Variants in ADK observed in about 807,000 individuals in gnomAD.
ADK encodes adenosine kinase.
Under a neutral mutation model 44.7 loss-of-function variants are expected in ADK, and 24 were observed. That is an observed-to-expected ratio of 0.54 (90% CI 0.39 to 0.76). The LOEUF (loss-of-function observed/expected upper bound fraction) is 0.76. ADK is among the 30% of genes least tolerant of loss of function. ADK has a pLI of 0.00. For synonymous variants in ADK, 128 were observed against 142.6 expected, an observed-to-expected ratio of 0.90 and a Z score of 0.73; for missense variants, 321 against 425.1, an observed-to-expected ratio of 0.76 and a Z score of 2.15.
At chr10:74,533,592 A>G (rs1849362763) in intron 7 of ADK, among the ~76,000 whole-genome samples, 1 of 152,230 alleles carries the variant, frequency 6.6e-6, no homozygotes, top group Admixed American at 6.5e-5. Flanking sequence ...CGCAAACTTC[A>G]ACCCACGTAA....
intron 3 of ADK, among the ~76,000 whole-genome samples, chr10:74,289,852 G>C (rs1046681640): frequency 3.4e-5 from 5 of 145,336 alleles, no homozygotes; most frequent in African/African-American, 1.3e-4. Flanking sequence ...AAAAAGGAAA[G>C]AAAATTCTCC....
intron 6 of ADK, among the ~76,000 whole-genome samples, chr10:74,488,618 G>A (rs1446942039): frequency 1.5e-5 from 2 of 137,256 alleles, no homozygotes; most frequent in Non-Finnish European, 3.2e-5. Flanking sequence ...TCATATTTAT[G>A]TAGATAGCAG....
chr10:74,353,373 CAG>C (rs1002694592), intron 4 of ADK, among the ~76,000 whole-genome samples: 1 of 152,116 alleles, frequency 6.6e-6, no homozygotes, highest in Middle Eastern at 3.4e-3. Context: ...CACATGGACA[CAG>C]GGAATGGAGC....
chr10:74,618,710 C>G (rs1280644330), intron 9 of ADK, among the ~76,000 whole-genome samples: 1 of 152,112 alleles, frequency 6.6e-6, no homozygotes, highest in East Asian at 1.9e-4. Context: ...CTTTTGGATT[C>G]TCTTATTTTT....
chr10:74,160,725 G>GTGTGTGTATGTA (rs753375980), intron 1 of ADK, among the ~76,000 whole-genome samples: 2 of 150,974 alleles, frequency 1.3e-5, no homozygotes, highest in African/African-American at 4.9e-5. Context: ...GTGTATGTGT[G>GTGTGTGTATGTA]TGTGTAGGTA....
At chr10:74,362,387 C>A (rs1322815580) in intron 4 of ADK, among the ~76,000 whole-genome samples, 2 of 149,342 alleles carry the variant, frequency 1.3e-5, no homozygotes, top group Non-Finnish European at 3.0e-5. Flanking sequence ...TTTTTAGTTG[C>A]AGGATTTCTG....
intron 9 of ADK, among the ~76,000 whole-genome samples, chr10:74,611,282 A>G (rs561477722): frequency 6.6e-6 from 1 of 151,974 alleles, no homozygotes. Context: ...CTGCCTTCCT[A>G]GGCCTCCCTC....
chr10:74,334,300 A>G (rs1395226044), intron 4 of ADK, among the ~76,000 whole-genome samples: 1 of 152,184 alleles, frequency 6.6e-6, no homozygotes, highest in Non-Finnish European at 1.5e-5. Context: ...TATGCAGCTG[A>G]TAAACTTGAG....
intron 1 of ADK, among the ~76,000 whole-genome samples, chr10:74,161,492 A>G (rs774645684): frequency 6.6e-6 from 1 of 152,054 alleles, no homozygotes; most frequent in Admixed American, 6.5e-5. Flanking sequence ...TACAGGCATG[A>G]GTCACCGCGC....
chr10:74,269,859 G>A (rs763808554), intron 3 of ADK, among the ~76,000 whole-genome samples: 3 of 152,094 alleles, frequency 2.0e-5, no homozygotes, highest in South Asian at 2.1e-4. Flanking sequence ...TTAGCTGGGC[G>A]TGGTGGCACG....
intron 3 of ADK, among the ~76,000 whole-genome samples, chr10:74,280,448 G>A (rs1464302987): frequency 1.5e-5 from 1 of 68,868 alleles, no homozygotes; most frequent in Non-Finnish European, 3.6e-5. Context: ...ACACACACAC[G>A]TTTTTTAGAG....
chr10:74,624,395 C>G (rs539489957), intron 9 of ADK, among the ~76,000 whole-genome samples: 6 of 151,904 alleles, frequency 3.9e-5, no homozygotes, highest in Non-Finnish European at 2.9e-5. Flanking sequence ...TTTTTAAAGC[C>G]TTTCTGGTTT....
In ADK at chr10:74,284,264, C is replaced by T. The variant is rs1284296390; in HGVS notation, c.195-30403C>T. On this transcript the variant is annotated intron_variant, in intron 3 of 10. Transcript: ENST00000539909. ...CATGAGCCACCACGCCTGGCAAATT[C>T]TATTTTTTTTTTTTTTTTTTGAGAC... Among the ~76,000 whole-genome samples the T allele has an allele frequency of 7.2e-5, 9 of 124,584 alleles. No homozygotes were observed. The South Asian group carries it at 2.2e-3, about 31-fold the overall frequency. The allele number at this position is 124,584 out of a possible 152,430, so 81.7% of individuals were successfully genotyped here. A position where few individuals can be genotyped will look rare whatever the true frequency, so the allele number is the denominator to read the frequency against.
At chr10:74,255,680 C>T (rs1330430937) in intron 3 of ADK, among the ~76,000 whole-genome samples, 2 of 152,170 alleles carry the variant, frequency 1.3e-5, no homozygotes, top group African/African-American at 4.8e-5. Flanking sequence ...TGTCCTATAA[C>T]TTTAAGTTAA....
chr10:74,380,770 AT>A (rs993697045), intron 4 of ADK, among the ~76,000 whole-genome samples: 1 of 152,064 alleles, frequency 6.6e-6, no homozygotes, highest in Non-Finnish European at 1.5e-5. Flanking sequence ...AAAAAAACAC[AT>A]TTTTTTATTT....
intron 6 of ADK, among the ~76,000 whole-genome samples, chr10:74,476,664 T>C (rs1846859065): frequency 6.6e-6 from 1 of 152,214 alleles, no homozygotes; most frequent in Non-Finnish European, 1.5e-5. Flanking sequence ...GTTTATTTCA[T>C]ACATATTTAA....
At chr10:74,652,197 A>T (rs1854301135) in intron 9 of ADK, among the ~76,000 whole-genome samples, 1 of 151,436 alleles carries the variant, frequency 6.6e-6, no homozygotes, top group Non-Finnish European at 1.5e-5. Flanking sequence ...GCCCACCACC[A>T]CGCCCAACTA....
chr10:74,611,937 A>C (rs1418078802), intron 9 of ADK, among the ~76,000 whole-genome samples: 1 of 152,182 alleles, frequency 6.6e-6, no homozygotes, highest in South Asian at 2.1e-4. Context: ...AATAAACATA[A>C]GAATGCAGGT....
At chr10:74,303,594 T>TTTG (rs1564643350) in intron 3 of ADK, among the ~76,000 whole-genome samples, 1 of 130,878 alleles carries the variant, frequency 7.6e-6, no homozygotes, top group Non-Finnish European at 1.6e-5. Flanking sequence ...TGTTGTTTTT[T>TTTG]TTTTTTTTTT....
Sources: gnomAD v4.1 joint callset for allele counts (sites outside exome capture counted in the v4.1 genomes callset) on GRCh38, gnomAD v4.1.1 for gene constraint, MANE v1.5 for transcripts, NCBI Gene and HGNC (gene_info 2026-07-23, HGNC 2026-07-21) for gene names.